Variants in SLC35F3 observed in about 807,000 individuals in gnomAD.
The protein encoded by SLC35F3 is solute carrier family 35 member F3.
A neutral mutation model predicts 49.9 loss-of-function variants in SLC35F3; 25 were observed. The observed-to-expected ratio is 0.50, with a 90% CI of 0.37 to 0.70. The LOEUF is 0.70. SLC35F3 is among the 30% of genes least tolerant of loss of function. The probability of loss-of-function intolerance (pLI) is 0.00; values close to 1 mark genes in which losing one functional copy is unlikely to be tolerated. For synonymous variants in SLC35F3, 275 were observed against 265.4 expected (o/e 1.04, Z -0.35); for missense variants, 525 against 639.8 (o/e 0.82, Z 1.94).
chr1:234,090,824 C>T (rs1665032521), intron 2 of SLC35F3, among the ~76,000 whole-genome samples: 1 of 152,128 alleles, frequency 6.6e-6, no homozygotes, highest in Non-Finnish European at 1.5e-5. Flanking sequence ...AGTCAATGAC[C>T]CACAGCCAGA....
chr1:234,194,286 G>A (rs1025587048), intron 2 of SLC35F3, among the ~76,000 whole-genome samples: 1 of 152,164 alleles, frequency 6.6e-6, no homozygotes, highest in African/African-American at 2.4e-5. Flanking sequence ...AGAACTAATG[G>A]CATTTGCGCT....
chr1:234,128,946 T>G (rs1304519609), intron 2 of SLC35F3, among the ~76,000 whole-genome samples: 1 of 152,146 alleles, frequency 6.6e-6, no homozygotes, highest in Admixed American at 6.5e-5. Context: ...AAAAATCAAT[T>G]AAATTGTCCA....
chr1:234,231,900 C>T lies in SLC35F3; in HGVS notation c.608+159C>T, dbSNP rs1028243501. ...CACCTGCTCTCAGTGGGGTCGGGAG[C>T]AGAATTCTGTCTACCCTGGGTAGTG... On this transcript the variant is annotated intron_variant, in intron 3 of 7. Coordinates refer to ENST00000366618, the MANE Select transcript of SLC35F3 (RefSeq NM_173508.4). The surrounding 1 kb of genome is among the most constrained non-coding windows in gnomAD (Gnocchi z 5.4). Among the ~76,000 whole-genome samples, 6 of 152,264 alleles carry T rather than the reference C, an allele frequency of 3.9e-5. No individual in the cohort carries two copies. Among genetic ancestry groups the T allele is most frequent in the African/African-American group, 1.4e-4 (6 of 41,560 alleles).
At chr1:234,054,468 G>A (rs937182289) in intron 2 of SLC35F3, among the ~76,000 whole-genome samples, 5 of 152,096 alleles carry the variant, frequency 3.3e-5, no homozygotes, top group Admixed American at 6.5e-5. Flanking sequence ...TGTAGTTCTC[G>A]TGCCATGGTT....
chr1:233,905,445 C>T (rs1025202180), intron 1 of SLC35F3, 84 bp from the exon 2 acceptor site: 1 of 1,065,830 alleles, frequency 9.4e-7, no homozygotes, highest in South Asian at 1.6e-5. Flanking sequence ...TGCTCTCGCC[C>T]TGGGATCTGC....
At chr1:234,205,452 C>T (rs966766435) in intron 2 of SLC35F3, among the ~76,000 whole-genome samples, 4 of 152,220 alleles carry the variant, frequency 2.6e-5, no homozygotes, top group African/African-American at 9.7e-5. Flanking sequence ...CAGAGTGAGA[C>T]TCCGTCTCAA....
At chr1:233,983,826 C>T (rs1663223462) in intron 2 of SLC35F3, among the ~76,000 whole-genome samples, 1 of 152,166 alleles carries the variant, frequency 6.6e-6, no homozygotes, top group Non-Finnish European at 1.5e-5. Flanking sequence ...AATAAAAGAG[C>T]CCCATGAGGC....
intron 2 of SLC35F3, among the ~76,000 whole-genome samples, chr1:234,189,828 G>GAT (rs1666705857): frequency 1.3e-5 from 2 of 152,164 alleles, no homozygotes. Context: ...AAAAGCATCA[G>GAT]ATACCTATAA....
intron 3 of SLC35F3, among the ~76,000 whole-genome samples, chr1:234,237,885 G>A (rs147002240): frequency 1.5e-3 from 224 of 152,140 alleles, no homozygotes; most frequent in Admixed American, 2.3e-3. Flanking sequence ...AATAATTTTT[G>A]TAGAGATGAG....
chr1:234,173,930 G>A (rs1265092236), intron 2 of SLC35F3, among the ~76,000 whole-genome samples: 2 of 152,182 alleles, frequency 1.3e-5, no homozygotes, highest in Non-Finnish European at 2.9e-5. Context: ...TTCTCCTCTG[G>A]AGCCTGGGGA....
intron 2 of SLC35F3, among the ~76,000 whole-genome samples, chr1:234,114,491 A>G (rs921421354): frequency 9.2e-5 from 14 of 152,352 alleles, no homozygotes; most frequent in African/African-American, 3.4e-4. Context: ...ATTAGTTTGA[A>G]GGGAGAATTG....
At chr1:234,138,485 T>C (rs781003738) in intron 2 of SLC35F3, among the ~76,000 whole-genome samples, 32 of 152,190 alleles carry the variant, frequency 2.1e-4, no homozygotes, top group Admixed American at 1.3e-4. Flanking sequence ...GAAGAGGTGC[T>C]GAGGGCACAG....
At chr1:234,262,885 G>A (rs1311515258) in intron 3 of SLC35F3, among the ~76,000 whole-genome samples, 1 of 152,224 alleles carries the variant, frequency 6.6e-6, no homozygotes, top group Non-Finnish European at 1.5e-5. Flanking sequence ...ACAGAGCTGA[G>A]TCTCTATTAG....
intron 3 of SLC35F3, among the ~76,000 whole-genome samples, chr1:234,244,240 TA>T (rs1214523929): frequency 6.6e-6 from 1 of 152,180 alleles, no homozygotes; most frequent in Non-Finnish European, 1.5e-5. Flanking sequence ...CTGAATATAA[TA>T]AAAATTTTTA....
intron 2 of SLC35F3, among the ~76,000 whole-genome samples, chr1:234,093,050 A>G (rs2102878180): frequency 6.6e-6 from 1 of 152,344 alleles, no homozygotes; most frequent in Middle Eastern, 3.4e-3. Flanking sequence ...GCTTTGCCAC[A>G]TAGAGTGTCT....
intron 2 of SLC35F3, among the ~76,000 whole-genome samples, chr1:233,917,954 T>C (rs1247118324): frequency 6.6e-6 from 1 of 152,230 alleles, no homozygotes; most frequent in Non-Finnish European, 1.5e-5. Flanking sequence ...CGTGCTTGAG[T>C]TGATCCTGGA....
intron 3 of SLC35F3, among the ~76,000 whole-genome samples, chr1:234,261,419 C>T (rs1667902325): frequency 6.6e-6 from 1 of 152,122 alleles, no homozygotes; most frequent in Non-Finnish European, 1.5e-5. Context: ...TATCCTATAT[C>T]CATATAGAAT....
intron 2 of SLC35F3, among the ~76,000 whole-genome samples, chr1:233,933,626 A>G (rs1005062184): frequency 2.6e-5 from 4 of 152,170 alleles, no homozygotes; most frequent in African/African-American, 9.6e-5. Context: ...CGAGGCGGGC[A>G]GATGACTTGA....
chr1:233,971,035 C>T (rs994583316), intron 2 of SLC35F3, among the ~76,000 whole-genome samples: 1 of 152,216 alleles, frequency 6.6e-6, no homozygotes, highest in Non-Finnish European at 1.5e-5. Context: ...TCACTCATGT[C>T]TAGACCCTGA....
Sources: gnomAD v4.1 joint callset for allele counts (sites outside exome capture counted in the v4.1 genomes callset) on GRCh38, gnomAD v4.1.1 for gene constraint, Gnocchi (gnomAD v3.1) non-coding constraint, MANE v1.5 for transcripts, NCBI Gene and HGNC (gene_info 2026-07-23, HGNC 2026-07-21) for gene names.